The following SCFD2 variants were observed in gnomAD, a reference collection of about 807,000 sequenced individuals.
SCFD2 encodes sec1 family domain-containing protein 2.
SCFD2 carries 54 observed loss-of-function variants against 58.9 expected under a neutral mutation model. The observed-to-expected ratio is 0.92, with a 90% confidence interval of 0.74 to 1.15. The LOEUF is 1.15. Among genes scored for constraint, SCFD2 ranks in the 50% most tolerant of loss-of-function variants. The pLI, the probability that SCFD2 is intolerant of heterozygous loss-of-function variation, is 0.00. For missense variants in SCFD2, 805 were observed against 836.6 expected (o/e 0.96, Z 0.47); for synonymous variants, 321 against 335.9 (o/e 0.96, Z 0.49).
intron 5 of SCFD2, among the ~76,000 whole-genome samples, chr4:53,100,798 T>G (rs1724811387): frequency 6.6e-6 from 1 of 152,172 alleles, no homozygotes; most frequent in African/African-American, 2.4e-5. Context: ...TTTCAGTATC[T>G]CTTTTTTAGT....
At chr4:52,911,210 G>C (rs1271094059) in intron 6 of SCFD2, among the ~76,000 whole-genome samples, 2 of 152,196 alleles carry the variant, frequency 1.3e-5, no homozygotes, top group Non-Finnish European at 2.9e-5. Context: ...AGTGTATCTG[G>C]GGTGATAGGA....
At chr4:53,250,141 G>A (rs977930435) in intron 4 of SCFD2, among the ~76,000 whole-genome samples, 21 of 152,130 alleles carry the variant, frequency 1.4e-4, no homozygotes, top group African/African-American at 4.3e-4. Context: ...AAAAGGCAAG[G>A]GTTGCAACCC....
At chr4:53,084,850 A>AT (rs1724259686) in intron 5 of SCFD2, among the ~76,000 whole-genome samples, 1 of 152,252 alleles carries the variant, frequency 6.6e-6, no homozygotes. Context: ...CCTTCATGAT[A>AT]AGATACCTTA....
chr4:53,119,802 G>A (rs771940396), intron 5 of SCFD2, among the ~76,000 whole-genome samples: 1 of 152,216 alleles, frequency 6.6e-6, no homozygotes, highest in African/African-American at 2.4e-5. Flanking sequence ...GGGCCAATCA[G>A]CAGTGACATC....
intron 7 of SCFD2, among the ~76,000 whole-genome samples, chr4:52,889,343 G>A (rs1266623171): frequency 2.6e-5 from 4 of 152,228 alleles, no homozygotes; most frequent in Non-Finnish European, 5.9e-5. Context: ...AATTATTAGT[G>A]TATTTTGCAA....
rs544034566 is a variant in SCFD2 at position 53,143,651 on chromosome 4, G to A, written c.1561+1682C>T. ...AAGTTCACATGCATGAGAGACTAAG[G>A]TTTACAGCTGCACATTCTGCTCCCG... is the stretch of plus-strand genomic sequence containing the variant. On this transcript the variant is annotated intron_variant, in intron 5 of 8. Coordinates refer to ENST00000401642, the MANE Select transcript of SCFD2 (RefSeq NM_152540.4). Among the ~76,000 whole-genome samples, 3 of 152,210 alleles carry A rather than the reference G, an allele frequency of 2.0e-5. No individual in the cohort carries two copies. The South Asian group carries it at 6.2e-4, about 32-fold the overall frequency.
chr4:53,363,368 C>CA (rs1048902840), intron 1 of SCFD2, among the ~76,000 whole-genome samples: 7 of 151,894 alleles, frequency 4.6e-5, no homozygotes, highest in African/African-American at 1.7e-4. Context: ...AGGTTGATCT[C>CA]AAACTCCTGA....
chr4:53,033,566 C>T (rs1231054654), intron 5 of SCFD2, among the ~76,000 whole-genome samples: 3 of 151,742 alleles, frequency 2.0e-5, no homozygotes, highest in Non-Finnish European at 4.4e-5. Context: ...ATAGATAGAC[C>T]ACTAGCCAGA....
chr4:53,132,789 T>C (rs1725821684), intron 5 of SCFD2, among the ~76,000 whole-genome samples: 1 of 152,208 alleles, frequency 6.6e-6, no homozygotes, highest in South Asian at 2.1e-4. Context: ...GCAACATCCT[T>C]GTCACCACCA....
chr4:53,258,252 G>A (rs1730708681), intron 4 of SCFD2, among the ~76,000 whole-genome samples: 1 of 151,964 alleles, frequency 6.6e-6, no homozygotes, highest in Non-Finnish European at 1.5e-5. Context: ...TAATTTCTGA[G>A]ATTTTTGTGT....
intron 5 of SCFD2, among the ~76,000 whole-genome samples, chr4:53,103,817 G>A (rs1264971537): frequency 2.8e-3 from 65 of 23,544 alleles, no homozygotes; most frequent in Admixed American, 4.5e-3. Flanking sequence ...TGGGAGAAAA[G>A]AAAAAAAAAT....
At chr4:53,122,392 C>T (rs935350928) in intron 5 of SCFD2, among the ~76,000 whole-genome samples, 1 of 151,714 alleles carries the variant, frequency 6.6e-6, no homozygotes, top group Non-Finnish European at 1.5e-5. Context: ...AAAAAAAATC[C>T]TGAACTCTGA....
chr4:53,000,609 T>G (rs758812057), intron 5 of SCFD2, among the ~76,000 whole-genome samples: 1 of 152,206 alleles, frequency 6.6e-6, no homozygotes, highest in East Asian at 1.9e-4. Flanking sequence ...TCCCAGGCCA[T>G]AGCGCCAAGC....
chr4:52,893,234 T>TTCTC (rs150709202), intron 7 of SCFD2, among the ~76,000 whole-genome samples: 8 of 151,026 alleles, frequency 5.3e-5, no homozygotes, highest in African/African-American at 1.9e-4. Context: ...TTTCCCTTCT[T>TTCTC]TCTCTCTCTC....
At chr4:53,209,005 A>G (rs1728521537) in intron 4 of SCFD2, among the ~76,000 whole-genome samples, 1 of 152,126 alleles carries the variant, frequency 6.6e-6, no homozygotes, top group South Asian at 2.1e-4. Flanking sequence ...GACTTAGGGT[A>G]GAGGATTAAG....
chr4:52,892,023 G>A (rs1451750431), intron 7 of SCFD2, among the ~76,000 whole-genome samples: 3 of 152,194 alleles, frequency 2.0e-5, no homozygotes, highest in Non-Finnish European at 4.4e-5. Flanking sequence ...CCTCACACAT[G>A]CCAGTGTCCC....
chr4:53,080,890 A>C (rs1724128765), intron 5 of SCFD2, among the ~76,000 whole-genome samples: 1 of 152,216 alleles, frequency 6.6e-6, no homozygotes, highest in Admixed American at 6.5e-5. Flanking sequence ...TACATGATAC[A>C]AAACTGCCAT....
At chr4:53,060,931 C>G (rs569088229) in intron 5 of SCFD2, among the ~76,000 whole-genome samples, 1 of 152,028 alleles carries the variant, frequency 6.6e-6, no homozygotes, top group South Asian at 2.1e-4. Flanking sequence ...TTTACTGGGT[C>G]GTAACACCTA....
intron 5 of SCFD2, among the ~76,000 whole-genome samples, chr4:53,091,400 T>TA (rs1724464621): frequency 6.6e-6 from 1 of 151,284 alleles, no homozygotes; most frequent in Non-Finnish European, 1.5e-5. Context: ...AACTCTGTGC[T>TA]AGGATGGTGT....
Sources: allele counts gnomAD v4.1 joint callset (sites outside exome capture counted in the v4.1 genomes callset), GRCh38; gene constraint gnomAD v4.1.1; transcripts MANE v1.5; gene names NCBI Gene and HGNC (gene_info 2026-07-23, HGNC 2026-07-21).